SH3BGRL2: variants seen among roughly 807,000 people sequenced by gnomAD.
SH3BGRL2 encodes the protein SH3 domain binding glutamate rich protein like 2, also known as SH3 domain-binding glutamic acid-rich-like protein 2.
In SH3BGRL2, 21 loss-of-function variants were observed where a neutral mutation model predicts 14.8. That is an observed-to-expected ratio of 1.42 (90% CI 1.01 to 2.05). The LOEUF is 2.05. Among genes scored for constraint, SH3BGRL2 ranks in the 30% most tolerant of loss-of-function variants. The pLI is 0.00. For synonymous variants in SH3BGRL2, 50 were observed against 47.8 expected (o/e 1.05, Z -0.19); for missense variants, 147 against 130.8 (o/e 1.12, Z -0.61).
intron 1 of SH3BGRL2, among the ~76,000 whole-genome samples, chr6:79,636,596 A>T (rs1768927595): frequency 6.6e-6 from 1 of 152,140 alleles, no homozygotes; most frequent in South Asian, 2.1e-4. Context: ...GGGGTGCTTA[A>T]ATAAAAGAAA....
chr6:79,580,793 G>A, the SH3BGRL2 span, among the ~76,000 whole-genome samples: 4 of 152,090 alleles, frequency 2.6e-5, no homozygotes, highest in African/African-American at 9.7e-5. Flanking sequence ...TAAGATCAGA[G>A]CAGAACTGAA....
intron 1 of SH3BGRL2, among the ~76,000 whole-genome samples, chr6:79,660,241 G>C (rs1175539051): frequency 6.6e-6 from 1 of 152,130 alleles, no homozygotes; most frequent in Non-Finnish European, 1.5e-5. Context: ...AATGCTTCTA[G>C]TTTTTGCCCA....
At chr6:79,621,032 G>C in the SH3BGRL2 span, among the ~76,000 whole-genome samples, 1 of 151,806 alleles carries the variant, frequency 6.6e-6, no homozygotes, top group East Asian at 1.9e-4. Context: ...CAAAGTGCTG[G>C]GATTACAGGT....
chr6:79,642,734 A>C (rs1184805076), intron 1 of SH3BGRL2, among the ~76,000 whole-genome samples: 1 of 152,210 alleles, frequency 6.6e-6, no homozygotes, highest in Non-Finnish European at 1.5e-5. Flanking sequence ...AATATGAAAC[A>C]CCAAGTTGAA....
At chr6:79,613,839 C>T in the SH3BGRL2 span, among the ~76,000 whole-genome samples, 17 of 152,322 alleles carry the variant, frequency 1.1e-4, no homozygotes, top group African/African-American at 3.4e-4. Flanking sequence ...AACTCTTGAA[C>T]TCAGGTGATC....
the SH3BGRL2 span, among the ~76,000 whole-genome samples, chr6:79,577,353 C>T: frequency 6.6e-6 from 1 of 152,090 alleles, no homozygotes; most frequent in African/African-American, 2.4e-5. Context: ...CCTTTCTTGG[C>T]ACAATGAGCT....
chr6:79,699,364 A>G (rs1770401446), intron 3 of SH3BGRL2, 134 bp from the exon 4 acceptor site: 1 of 1,041,998 alleles, frequency 9.6e-7, no homozygotes, highest in Non-Finnish European at 1.3e-6. Flanking sequence ...TATCAATCAC[A>G]TGGAGGTGAT....
the SH3BGRL2 span, among the ~76,000 whole-genome samples, chr6:79,591,835 C>T: frequency 1.3e-5 from 2 of 152,162 alleles, no homozygotes; most frequent in African/African-American, 2.4e-5. Flanking sequence ...GATTCATGAA[C>T]AACCAAAATA....
At chr6:79,657,659 C>T (rs1190992189) in intron 1 of SH3BGRL2, among the ~76,000 whole-genome samples, 6 of 151,762 alleles carry the variant, frequency 4.0e-5, no homozygotes, top group Non-Finnish European at 8.8e-5. Flanking sequence ...TCTTGTTGCC[C>T]AGGCTGGAGT....
the SH3BGRL2 span, among the ~76,000 whole-genome samples, chr6:79,569,377 G>C: frequency 6.6e-6 from 1 of 152,176 alleles, no homozygotes; most frequent in Admixed American, 6.5e-5. Context: ...AAAGGTGCCA[G>C]ACTCTTAGTT....
At chr6:79,650,259 G>A (rs951813232) in intron 1 of SH3BGRL2, among the ~76,000 whole-genome samples, 4 of 152,154 alleles carry the variant, frequency 2.6e-5, no homozygotes. Context: ...ATGTAGGACA[G>A]AAATAGCATT....
At chr6:79,579,881 G>A in the SH3BGRL2 span, among the ~76,000 whole-genome samples, 1 of 152,332 alleles carries the variant, frequency 6.6e-6, no homozygotes, top group South Asian at 2.1e-4. Flanking sequence ...AGACTCATCA[G>A]TTTGCTGTAT....
chr6:79,565,070 A>G, the SH3BGRL2 span, among the ~76,000 whole-genome samples: 2 of 152,174 alleles, frequency 1.3e-5, no homozygotes, highest in African/African-American at 4.8e-5. Flanking sequence ...CAGTTAAGAT[A>G]ATTGCTCTTT....
chr6:79,541,019 G>A, the SH3BGRL2 span, among the ~76,000 whole-genome samples: 7 of 152,218 alleles, frequency 4.6e-5, no homozygotes, highest in Admixed American at 4.6e-4. Flanking sequence ...TTGGTAGGCC[G>A]AAGTGGGCAG....
intron 1 of SH3BGRL2, among the ~76,000 whole-genome samples, chr6:79,656,110 C>A (rs1329736158): frequency 2.6e-5 from 4 of 152,190 alleles, no homozygotes; most frequent in Non-Finnish European, 5.9e-5. Flanking sequence ...TTCATTTTAG[C>A]TTTTCTGTGT....
the SH3BGRL2 span, among the ~76,000 whole-genome samples, chr6:79,554,477 C>G: frequency 2.0e-5 from 3 of 152,040 alleles, no homozygotes; most frequent in African/African-American, 7.2e-5. Context: ...CTTTGAAATT[C>G]AATAGAGGAT....
At chr6:79,578,581 C>T in the SH3BGRL2 span, among the ~76,000 whole-genome samples, 2 of 152,186 alleles carry the variant, frequency 1.3e-5, no homozygotes, top group African/African-American at 2.4e-5. Context: ...GGAAAACTAA[C>T]AAACAGAAAA....
At chr6:79,697,560 C>T (rs1361123809) in intron 3 of SH3BGRL2, among the ~76,000 whole-genome samples, 2 of 152,192 alleles carry the variant, frequency 1.3e-5, no homozygotes, top group African/African-American at 4.8e-5. Flanking sequence ...TATAGACCAG[C>T]ATCTGCAGTG....
the SH3BGRL2 span, among the ~76,000 whole-genome samples, chr6:79,549,990 G>T: frequency 3.9e-5 from 6 of 152,086 alleles, no homozygotes; most frequent in South Asian, 1.2e-3. Flanking sequence ...CACAGTAAAA[G>T]AAAAACATGA....
Sources: gnomAD v4.1 joint callset for allele counts (sites outside exome capture counted in the v4.1 genomes callset) on GRCh38, gnomAD v4.1.1 for gene constraint, MANE v1.5 for transcripts, NCBI Gene and HGNC (gene_info 2026-07-23, HGNC 2026-07-21) for gene names.